Variants in DAB1 observed in about 807,000 individuals in gnomAD.
DAB1 encodes disabled homolog 1.
Under a neutral mutation model 64.6 loss-of-function variants are expected in DAB1, and 15 were observed. The ratio of observed to expected loss-of-function variants is 0.23; its 90% CI spans 0.16 to 0.36. The LOEUF (loss-of-function observed/expected upper bound fraction) is 0.36, where lower values mean the gene tolerates loss of function less well. DAB1 is among the 10% of genes least tolerant of loss of function. The pLI is 1.00. For missense variants in DAB1, 596 were observed against 706.7 expected (o/e 0.84, Z 1.78); for synonymous variants, 235 against 251.9 (o/e 0.93, Z 0.64).
chr1:57,843,054 G>C (rs1653124462), intron 1 of DAB1, among the ~76,000 whole-genome samples: 1 of 152,182 alleles, frequency 6.6e-6, no homozygotes, highest in South Asian at 2.1e-4. Flanking sequence ...CATCATAAGA[G>C]AGTATCATAC....
At chr1:58,090,729 G>A (rs1455674504) in intron 5 of DAB1, among the ~76,000 whole-genome samples, 1 of 152,102 alleles carries the variant, frequency 6.6e-6, no homozygotes, top group Non-Finnish European at 1.5e-5. Flanking sequence ...AAGGTCCTTG[G>A]CTGGGCACAC....
chr1:58,501,223 T>C (rs1215064786), intron 3 of DAB1, among the ~76,000 whole-genome samples: 2 of 152,234 alleles, frequency 1.3e-5, no homozygotes, highest in Admixed American at 1.3e-4. Context: ...ATGTTTTATC[T>C]TGAAATTCAC....
intron 3 of DAB1, among the ~76,000 whole-genome samples, chr1:58,470,222 G>A (rs1326471580): frequency 6.6e-6 from 1 of 151,244 alleles, no homozygotes; most frequent in African/African-American, 2.4e-5. Flanking sequence ...CACCCAGGTT[G>A]GAGTGCAGTG....
At chr1:58,219,025 C>CTGTGTGTG (rs56151181) in intron 4 of DAB1, among the ~76,000 whole-genome samples, 9 of 129,470 alleles carry the variant, frequency 7.0e-5, no homozygotes, top group African/African-American at 2.8e-4. Flanking sequence ...CTCTCTCTCT[C>CTGTGTGTG]TGTGTGTGTG....
At chr1:57,463,974 G>A (rs1686874387) in intron 7 of DAB1, among the ~76,000 whole-genome samples, 1 of 152,122 alleles carries the variant, frequency 6.6e-6, no homozygotes, top group South Asian at 2.1e-4. Flanking sequence ...CTATGTTCTA[G>A]CTGCAAAGAG....
chr1:57,652,749 T>G (rs1488631914), intron 6 of DAB1, among the ~76,000 whole-genome samples: 6 of 152,252 alleles, frequency 3.9e-5, no homozygotes, highest in Non-Finnish European at 8.8e-5. Context: ...TTTTCTCTGT[T>G]GCTTTTGCAT....
At chr1:57,414,244 A>T (rs1375963862) in intron 1 of DAB1, among the ~76,000 whole-genome samples, 1 of 152,240 alleles carries the variant, frequency 6.6e-6, no homozygotes, top group Non-Finnish European at 1.5e-5. Flanking sequence ...GAGTCAATCA[A>T]TGTGACAAAC....
upstream of DAB1, among the ~76,000 whole-genome samples, chr1:57,889,016 T>C (rs1370494368): frequency 6.6e-6 from 1 of 152,160 alleles, no homozygotes; most frequent in Non-Finnish European, 1.5e-5. Flanking sequence ...GAGTTGGCAG[T>C]GCCTGAGCTC....
At chr1:57,532,630 T>C (rs1644679124) in intron 7 of DAB1, among the ~76,000 whole-genome samples, 1 of 152,180 alleles carries the variant, frequency 6.6e-6, no homozygotes, top group African/African-American at 2.4e-5. Context: ...AGATTTTCTA[T>C]TTACTCCATC....
chr1:58,040,096 G>A (rs959556384), intron 5 of DAB1, among the ~76,000 whole-genome samples: 6 of 152,116 alleles, frequency 3.9e-5, no homozygotes, highest in Admixed American at 1.3e-4. Flanking sequence ...GATAGGGCAC[G>A]ATAGTAATAA....
chr1:57,353,114 TACACAC>T lies in DAB1; in HGVS notation c.-136-61954_-136-61949del, dbSNP rs10572319. On this transcript the variant is annotated intron_variant, in intron 1 of 14. Transcript: ENST00000371236. ...TTCCATATATATATATTTTTTTCCA[TACACAC>T]ACACACACACACACACACACACACA... 6.9e-3 allele frequency among the ~76,000 whole-genome samples: 1,005 copies of T among 145,614 alleles called. 8 individuals are homozygous for T. Among genetic ancestry groups the T allele is most frequent in the East Asian group, 0.039 (194 of 4,914 alleles).
chr1:57,391,777 ACACAC>A lies in DAB1; in HGVS notation c.-137+32148_-137+32152del, dbSNP rs1558296737. On this transcript the variant is annotated intron_variant, in intron 1 of 14. Transcript: ENST00000371236. ...AAGGCAGAGGAATAAACACACACAC[ACACAC>A]ACACACACACACACACACACACACA... is the stretch of plus-strand genomic sequence containing the variant. 5.7e-3 allele frequency among the ~76,000 whole-genome samples: 821 copies of A among 144,788 alleles called. 5 individuals are homozygous for A. Among genetic ancestry groups the A allele is most frequent in the African/African-American group, 0.016 (596 of 37,708 alleles). 95.0% of individuals were successfully genotyped at this position (144,788 alleles called of 152,430 possible).
chr1:57,766,574 G>T (rs916489320), intron 6 of DAB1, among the ~76,000 whole-genome samples: 1 of 151,976 alleles, frequency 6.6e-6, no homozygotes, highest in Admixed American at 6.6e-5. Flanking sequence ...CATTTCCTTC[G>T]GGTCTTTGCT....
intron 4 of DAB1, among the ~76,000 whole-genome samples, chr1:58,251,259 C>T (rs1371499159): frequency 1.3e-5 from 2 of 152,182 alleles, no homozygotes; most frequent in African/African-American, 2.4e-5. Flanking sequence ...TTTTTGTGTG[C>T]TTACTATGAG....
At chr1:57,832,928 C>A (rs1402260754) in intron 1 of DAB1, among the ~76,000 whole-genome samples, 1 of 152,102 alleles carries the variant, frequency 6.6e-6, no homozygotes, top group Admixed American at 6.5e-5. Flanking sequence ...TGTGAAGATT[C>A]TCTTCTTCTT....
intron 2 of DAB1, among the ~76,000 whole-genome samples, chr1:57,279,495 C>T (rs1049365933): frequency 2.6e-5 from 4 of 152,138 alleles, no homozygotes; most frequent in African/African-American, 7.2e-5. Context: ...GGAATGAAAG[C>T]AGGGTCTCGA....
chr1:57,514,369 G>A (rs776925713), intron 7 of DAB1, among the ~76,000 whole-genome samples: 5 of 152,116 alleles, frequency 3.3e-5, no homozygotes, highest in African/African-American at 4.8e-5. Context: ...ATAATAGTCC[G>A]TTTAACAGGT....
intron 4 of DAB1, among the ~76,000 whole-genome samples, chr1:58,343,032 A>T (rs76168185): frequency 0.01 from 1,588 of 152,174 alleles, 7 homozygotes; most frequent in Non-Finnish European, 0.017. Flanking sequence ...GCCATTCACC[A>T]TTTGGCCACT....
At position 57,148,488 on chromosome 1, in the gene DAB1, G is replaced by A. The variant is rs376909027; in HGVS notation, c.68-3059C>T. Among the ~76,000 whole-genome samples the A allele has an allele frequency of 1.4e-4, 22 of 152,252 alleles. No homozygotes were observed. In the South Asian group the frequency reaches 1.9e-3, roughly 13 times the overall value. On this transcript the variant is annotated intron_variant, in intron 2 of 14. Coordinates refer to ENST00000371236, the MANE Select transcript of DAB1 (RefSeq NM_001365792.1). ...AGTTAAGAAATAAATAACAGATATC[G>A]GAGCCATAAGGCTTTAATTCTATCT...
Sources: allele counts gnomAD v4.1 joint callset (sites outside exome capture counted in the v4.1 genomes callset), GRCh38; gene constraint gnomAD v4.1.1; transcripts MANE v1.5; gene names NCBI Gene and HGNC (gene_info 2026-07-23, HGNC 2026-07-21).